The following CDH8 variants were observed in gnomAD, a reference collection of about 807,000 sequenced individuals.
CDH8 encodes cadherin 8, also known as cadherin-8.
A neutral mutation model predicts 68.1 loss-of-function variants in CDH8; 17 were observed. That is an observed-to-expected ratio of 0.25 (90% CI 0.17 to 0.37). The LOEUF (loss-of-function observed/expected upper bound fraction) is 0.37. Ranked by LOEUF, CDH8 falls within the 10% of genes least tolerant of loss-of-function variation. CDH8 has a pLI of 1.00. For missense variants in CDH8, 763 were observed against 999.3 expected, an observed-to-expected ratio of 0.76 and a Z score of 3.19; for synonymous variants, 372 against 365.1, an observed-to-expected ratio of 1.02 and a Z score of -0.21.
At chr16:61,833,709 A>G (rs1016598049) in intron 4 of CDH8, among the ~76,000 whole-genome samples, 3 of 151,856 alleles carry the variant, frequency 2.0e-5, no homozygotes, top group Non-Finnish European at 4.4e-5. Context: ...TTTGCCATAT[A>G]CTTTGGTTCC....
intron 7 of CDH8, among the ~76,000 whole-genome samples, chr16:61,791,529 T>G (rs543890734): frequency 1.3e-5 from 2 of 152,076 alleles, no homozygotes; most frequent in Non-Finnish European, 2.9e-5. Flanking sequence ...CATAAATAAC[T>G]TTGCAGGCAT....
rs559389333 is a variant in CDH8 at position 61,816,419 on chromosome 16, C to T, written c.1277+1060G>A. On this transcript the variant is annotated intron_variant, in intron 7 of 11. Coordinates refer to ENST00000577390, the MANE Select transcript of CDH8 (RefSeq NM_001796.5). ...ATAACTCACTTTACCAGGGTTTCCC[C>T]AAATGAAGTAATTGGAAGCAGGTCT... Among the ~76,000 whole-genome samples the T allele has an allele frequency of 2.6e-3, 394 of 152,208 alleles. 1 individual carries two copies. The highest frequency in any genetic ancestry group is 4.7e-3 in the Non-Finnish European group (322 of 68,022).
At chr16:61,766,261 G>A (rs1402799441) in intron 8 of CDH8, among the ~76,000 whole-genome samples, 4 of 151,636 alleles carry the variant, frequency 2.6e-5, no homozygotes, top group African/African-American at 9.7e-5. Context: ...TTCAATTCCT[G>A]AGTTACTTCA....
At chr16:61,745,859 C>T (rs1169706210) in intron 8 of CDH8, among the ~76,000 whole-genome samples, 2 of 151,982 alleles carry the variant, frequency 1.3e-5, no homozygotes, top group South Asian at 2.1e-4. Flanking sequence ...GTTGCAGGCC[C>T]ACTCCTCTTT....
At chr16:61,812,642 A>G (rs955295974) in intron 7 of CDH8, among the ~76,000 whole-genome samples, 8 of 152,228 alleles carry the variant, frequency 5.3e-5, no homozygotes, top group African/African-American at 2.4e-5. Context: ...TATTTCTAGT[A>G]TCTGTTCTGG....
intron 2 of CDH8, among the ~76,000 whole-genome samples, chr16:61,974,194 G>A (rs1027767648): frequency 2.0e-5 from 3 of 152,118 alleles, no homozygotes; most frequent in Non-Finnish European, 4.4e-5. Context: ...AATATATTTA[G>A]TGTTCTATGG....
At chr16:61,961,521 C>G (rs1444206997) in intron 2 of CDH8, among the ~76,000 whole-genome samples, 2 of 152,082 alleles carry the variant, frequency 1.3e-5, no homozygotes, top group Non-Finnish European at 2.9e-5. Context: ...TTAGATCTGC[C>G]CAGCTGCTTC....
chr16:61,666,178 CTGTGTGTGTGTGTG>C (rs370163800), intron 10 of CDH8, among the ~76,000 whole-genome samples: 1 of 144,098 alleles, frequency 6.9e-6, no homozygotes, highest in African/African-American at 2.6e-5. Flanking sequence ...AGCACATACT[CTGTGTGTGTGTGTG>C]TGTGTGTGTG....
chr16:62,004,140 G>C (rs553530215), intron 2 of CDH8, among the ~76,000 whole-genome samples: 75 of 152,290 alleles, frequency 4.9e-4, no homozygotes, highest in Non-Finnish European at 7.3e-5. Context: ...AATGTCCAAG[G>C]CGTGAACTGT....
In CDH8 at chr16:61,871,129, A is replaced by AACACAC. The variant is rs569789394; in HGVS notation, c.548-13897_548-13892dup. Among the ~76,000 whole-genome samples the AACACAC allele has an allele frequency of 8.5e-3, 1,271 of 150,126 alleles. 20 individuals carry two copies. The highest frequency in any genetic ancestry group is 0.029 in the African/African-American group (1,188 of 41,090). ...CCCCAATAATTAGTCCAGCCAGGAAAACACACACACACACACACATACACA... is the reference window on the plus strand; with the variant it reads ...CCCCAATAATTAGTCCAGCCAGGAAAACACACACACACACACACACACACATACACA... On this transcript the variant is annotated intron_variant, in intron 3 of 11. Transcript: ENST00000577390.
At chr16:62,033,030 A>G (rs533594251) in intron 1 of CDH8, among the ~76,000 whole-genome samples, 11 of 152,320 alleles carry the variant, frequency 7.2e-5, no homozygotes, top group Admixed American at 4.6e-4. Flanking sequence ...TAGAATCATT[A>G]TATTCTCATT....
intron 2 of CDH8, among the ~76,000 whole-genome samples, chr16:62,015,975 A>G (rs1309591101): frequency 6.6e-6 from 1 of 152,128 alleles, no homozygotes; most frequent in Non-Finnish European, 1.5e-5. Flanking sequence ...ATACAGCAGA[A>G]CTGACTAAGA....
At chr16:61,913,122 T>C (rs1358536635) in intron 2 of CDH8, among the ~76,000 whole-genome samples, 1 of 152,150 alleles carries the variant, frequency 6.6e-6, no homozygotes, top group Non-Finnish European at 1.5e-5. Flanking sequence ...ACAATTTGCA[T>C]AGACATAATG....
chr16:61,923,416 T>C (rs1466834924), intron 2 of CDH8, among the ~76,000 whole-genome samples: 1 of 152,112 alleles, frequency 6.6e-6, no homozygotes, highest in Non-Finnish European at 1.5e-5. Context: ...CTTTTGCCAT[T>C]AATAACCAAT....
chr16:62,032,772 G>T (rs545200435), intron 1 of CDH8, among the ~76,000 whole-genome samples: 6 of 152,260 alleles, frequency 3.9e-5, no homozygotes, highest in Admixed American at 6.5e-5. Flanking sequence ...GAAAGCCTTT[G>T]GTTTTGCATG....
At position 61,824,184 on chromosome 16, in the gene CDH8, A is replaced by G. The variant is rs181850339; in HGVS notation, c.835+828T>C. On this transcript the variant is annotated intron_variant, in intron 5 of 11. Coordinates refer to ENST00000577390, the MANE Select transcript of CDH8 (RefSeq NM_001796.5). ...AAATAAGCCAGATCAAAGGAAAAAA[A>G]GCCCTGCCTGATCTTACTTATATGT... Among the ~76,000 whole-genome samples, 17 of 152,002 alleles carry G rather than the reference A, an allele frequency of 1.1e-4. No homozygotes were observed. In the East Asian group the frequency reaches 2.9e-3, roughly 26 times the overall value.
chr16:61,961,252 T>C (rs1184295255), intron 2 of CDH8, among the ~76,000 whole-genome samples: 2 of 151,642 alleles, frequency 1.3e-5, no homozygotes, highest in Non-Finnish European at 2.9e-5. Context: ...GAGGCAGAGG[T>C]TGCAGTGAGC....
chr16:61,937,791 T>C (rs1398570827), intron 2 of CDH8: 1 of 152,140 alleles, frequency 6.6e-6, no homozygotes, highest in Non-Finnish European at 1.5e-5. Context: ...GAAAAAACTT[T>C]CTCTGGGCAG....
intron 1 of CDH8, among the ~76,000 whole-genome samples, chr16:62,028,111 C>T (rs1902238628): frequency 7.1e-6 from 1 of 140,404 alleles, no homozygotes; most frequent in African/African-American, 2.7e-5. Context: ...GTTGCCCAGG[C>T]TGGAGGGCAA....
Sources: gnomAD v4.1 joint callset for allele counts (sites outside exome capture counted in the v4.1 genomes callset) on GRCh38, gnomAD v4.1.1 for gene constraint, MANE v1.5 for transcripts, NCBI Gene and HGNC (gene_info 2026-07-23, HGNC 2026-07-21) for gene names.